ATP5PF: variants seen among roughly 807,000 people sequenced by gnomAD.
The protein encoded by ATP5PF is ATP synthase peripheral stalk subunit F6, mitochondrial.
ATP5PF carries 7 observed loss-of-function variants against 12.0 expected under a neutral mutation model. That is an observed-to-expected ratio of 0.58 (90% confidence interval 0.33 to 1.10). ATP5PF has a LOEUF of 1.10. Ranked by LOEUF, ATP5PF falls within the 50% of genes least tolerant of loss-of-function variation. The pLI is 0.03. For missense variants in ATP5PF, 120 were observed against 127.7 expected, an observed-to-expected ratio of 0.94 and a Z score of 0.29; for synonymous variants, 41 against 45.4, an observed-to-expected ratio of 0.90 and a Z score of 0.39.
At chr21:25,732,507 G>A (rs957715469) in intron 1 of ATP5PF, among the ~76,000 whole-genome samples, 1 of 151,756 alleles carries the variant, frequency 6.6e-6, no homozygotes, top group Non-Finnish European at 1.5e-5. Context: ...ATAGCCAAGT[G>A]CGGTGGTGGG....
At chr21:25,734,348 AG>A in intron 1 of ATP5PF, 1 of 986,594 alleles carries the variant, frequency 1.0e-6, no homozygotes, top group Non-Finnish European at 1.2e-6. Flanking sequence ...AAAGGTTAGT[AG>A]GTTCGCTGCC....
At chr21:25,732,688 G>T (rs1260073683) in intron 1 of ATP5PF, among the ~76,000 whole-genome samples, 1 of 149,888 alleles carries the variant, frequency 6.7e-6, no homozygotes, top group Non-Finnish European at 1.5e-5. Flanking sequence ...CAATCAGGCC[G>T]GGCGTGATGG....
intron 1 of ATP5PF, among the ~76,000 whole-genome samples, chr21:25,730,140 T>A (rs2034721652): frequency 6.6e-6 from 1 of 152,342 alleles, no homozygotes; most frequent in African/African-American, 2.4e-5. Flanking sequence ...TGTCCGCTCC[T>A]AACAGGAAAA....
rs2034954730 is a variant in ATP5PF, at chr21:25,734,791, G to A, written c.-8+62C>T. 6.8e-6 allele frequency: 10 copies of A among 1,477,800 alleles called. No homozygotes were observed. In the South Asian group the frequency reaches 7.6e-5, roughly 11 times the overall value. The allele number at this position is 1,477,800 out of a possible 1,614,324, so 91.5% of individuals were successfully genotyped here. A position where few individuals can be genotyped will look rare whatever the true frequency, so the allele number is the denominator to read the frequency against. ...AAAGGTGAGAGGCAGCCCAGGCCTC[G>A]TGAAAAAACCCAGAACTGGAGTCCC... On this transcript the variant is annotated intron_variant, in intron 1 of 3. Coordinates refer to ENST00000284971, the MANE Select transcript of ATP5PF (RefSeq NM_001003703.2).
In ATP5PF at chr21:25,729,631, T is replaced by G. The variant is rs776490258; in HGVS notation, c.164A>C (p.Gln55Pro). The G allele has an allele frequency of 1.3e-5, 21 of 1,605,118 alleles. No homozygotes were observed. Among genetic ancestry groups the G allele is most frequent in the Non-Finnish European group, 1.7e-5 (20 of 1,175,360 alleles). Residue 55 changes from glutamine to proline, a missense_variant and splice_region_variant, in exon 2 of 4, where the codon CAG becomes CCG. Gln to Pro is a moderately conservative substitution (Grantham distance 76). Transcript: ENST00000284971. The part of the protein sequence containing the change: ...DKIREYKSKR[Q>P]TSGGPVDASS... ...ACACTGTAGTTATTTATTCACTTAC[T>G]GTCGCTTAGATTTGTATTCTCTAAT...
intron 1 of ATP5PF, chr21:25,734,503 A>T: frequency 1.5e-6 from 1 of 674,244 alleles, no homozygotes; most frequent in South Asian, 4.5e-5. Context: ...AGTAGCCTAG[A>T]CGCTCCCGTG....
intron 1 of ATP5PF, among the ~76,000 whole-genome samples, chr21:25,733,202 T>C (rs532760436): frequency 3.9e-5 from 6 of 152,136 alleles, no homozygotes; most frequent in South Asian, 2.1e-4. Context: ...ATCATTCCTA[T>C]GTTTAAACAC....
At chr21:25,733,707 T>C (rs2034881886) in intron 1 of ATP5PF, among the ~76,000 whole-genome samples, 1 of 152,188 alleles carries the variant, frequency 6.6e-6, no homozygotes, top group Admixed American at 6.5e-5. Context: ...AGTACTTCCA[T>C]ATATATCCTT....
chr21:25,734,957 A>G, upstream of ATP5PF: 2 of 1,572,926 alleles, frequency 1.3e-6, no homozygotes, highest in Non-Finnish European at 1.7e-6. Context: ...GCAATGCATT[A>G]TGGGCCGCCG....
intron 2 of ATP5PF, among the ~76,000 whole-genome samples, chr21:25,726,287 A>G (rs535152811): frequency 6.6e-6 from 1 of 152,300 alleles, no homozygotes; most frequent in South Asian, 2.1e-4. Context: ...AGATTTTGCA[A>G]TTTCGAAGAA....
At chr21:25,733,176 T>C (rs1240452600) in intron 1 of ATP5PF, among the ~76,000 whole-genome samples, 4 of 152,006 alleles carry the variant, frequency 2.6e-5, no homozygotes, top group African/African-American at 9.7e-5. Context: ...CCTCACAAGG[T>C]CATGTGCCAC....
chr21:25,730,923 T>A (rs79918892), intron 1 of ATP5PF, among the ~76,000 whole-genome samples: 5,048 of 151,816 alleles, frequency 0.033, 260 homozygotes, highest in African/African-American at 0.11. Context: ...TTACAACAAA[T>A]AGGTACAAAC....
At position 25,724,527 on chromosome 21, in the gene ATP5PF, CT is replaced by C. The variant is rs1292359789; in HGVS notation, c.*112del. 4 of 1,209,938 alleles carry C rather than the reference CT, an allele frequency of 3.3e-6. No individual in the cohort carries two copies. Among genetic ancestry groups the C allele is most frequent in the African/African-American group, 1.6e-5 (1 of 64,200 alleles). The allele number at this position is 1,209,938 out of a possible 1,614,324, so 75.0% of individuals were successfully genotyped here. Reference sequence around the variant, plus strand: ...AACATCACCAAATAATTTATTTGGACTCAGAATTAAAAGAACATTTGACAGT... The same window carrying C: ...AACATCACCAAATAATTTATTTGGACCAGAATTAAAAGAACATTTGACAGT... On this transcript the variant is annotated 3_prime_UTR_variant, in exon 4 of 4. Coordinates refer to ENST00000284971, the MANE Select transcript of ATP5PF (RefSeq NM_001003703.2).
Position 25,727,871 on chromosome 21 carries a change from A to G in ATP5PF, c.164+1760T>C, listed in dbSNP as rs17001327. ...TTCTCATATATAAAATTGGGGTAAC[A>G]TCTATAGGGTTGTTGTCAGAGTTTC... On this transcript the variant is annotated intron_variant, in intron 2 of 3. Transcript: ENST00000284971. Among the ~76,000 whole-genome samples the G allele has an allele frequency of 8.8e-3, 1,333 of 152,276 alleles. 12 individuals are homozygous for G. The highest frequency in any genetic ancestry group is 0.031 in the Middle Eastern group (9 of 294).
chr21:25,734,420 C>A, intron 1 of ATP5PF: 1 of 983,454 alleles, frequency 1.0e-6, no homozygotes, highest in Non-Finnish European at 1.2e-6. Flanking sequence ...TTAGCACCAT[C>A]GTTTTTAGGT....
At chr21:25,735,166 C>T (rs907309270), upstream of ATP5PF, 9 of 616,892 alleles carry the variant, frequency 1.5e-5, no homozygotes, top group Non-Finnish European at 2.3e-5. Flanking sequence ...TTGCTCTGTA[C>T]GCATGCGCTC....
intron 2 of ATP5PF, 84 bp from the exon 3 acceptor site, chr21:25,725,434 A>C (rs943251035): frequency 2.5e-5 from 34 of 1,343,106 alleles, no homozygotes; most frequent in Non-Finnish European, 3.3e-5. Flanking sequence ...ACATTCCAAC[A>C]GATCTTTTTT....
chr21:25,725,274 T>C lies in ATP5PF; in HGVS notation c.241A>G (p.Met81Val). 1 of 1,613,448 alleles carries C rather than the reference T, an allele frequency of 6.2e-7. No homozygotes were observed. ...LERELFKLKQMFGNADMNTFP... is the reference protein window; with the variant it reads ...LERELFKLKQVFGNADMNTFP... ...GTATTCATGTCTGCATTACCAAACA[T>C]TTGCTTGAGCTTAAAAAGCTCCCTC... Residue 81 changes from methionine (M) to valine (V), a missense_variant, in exon 3 of 4, where the codon ATG (methionine) becomes GTG (valine). Met to Val is a conservative substitution (Grantham distance 21, BLOSUM62 1). Transcript: ENST00000284971.
chr21:25,732,570 T>C (rs2034813291), intron 1 of ATP5PF, among the ~76,000 whole-genome samples: 1 of 148,594 alleles, frequency 6.7e-6, no homozygotes, highest in African/African-American at 2.5e-5. Flanking sequence ...CACTTGAGCT[T>C]GGGAGGTAGA....
Sources: allele counts gnomAD v4.1 joint callset (sites outside exome capture counted in the v4.1 genomes callset), GRCh38; gene constraint gnomAD v4.1.1; transcripts MANE v1.5; gene names NCBI Gene and HGNC (gene_info 2026-07-23, HGNC 2026-07-21).